NBAS: variants seen among roughly 807,000 people sequenced by gnomAD.
The protein encoded by NBAS is NAG/BC035112 fusion.
A neutral mutation model predicts 302.5 loss-of-function variants in NBAS; 219 were observed. The observed-to-expected ratio is 0.72, with a 90% CI of 0.65 to 0.81. NBAS has a LOEUF of 0.81. NBAS is among the 30% of genes least tolerant of loss of function. The pLI, the probability that NBAS is intolerant of heterozygous loss-of-function variation, is 0.00. For missense variants in NBAS, 2,932 were observed against 2,841.6 expected (o/e 1.03, Z -0.72); for synonymous variants, 1,118 against 1,021.6 (o/e 1.09, Z -1.80).
chr2:14,803,411 C>A, the NBAS span, among the ~76,000 whole-genome samples: 1 of 152,098 alleles, frequency 6.6e-6, no homozygotes. Flanking sequence ...GGTAATTTGC[C>A]TTTTGTACTC....
chr2:15,443,884 G>C (rs557455899), intron 21 of NBAS, among the ~76,000 whole-genome samples: 2 of 152,168 alleles, frequency 1.3e-5, no homozygotes, highest in Non-Finnish European at 2.9e-5. Context: ...GCCAAAGCAT[G>C]AGAGAACTCC....
chr2:15,113,736 A>T, the NBAS span, among the ~76,000 whole-genome samples: 1 of 152,144 alleles, frequency 6.6e-6, no homozygotes, highest in African/African-American at 2.4e-5. Context: ...AAATTACTAA[A>T]TAAACGGAAT....
At chr2:14,919,275 T>C in the NBAS span, among the ~76,000 whole-genome samples, 1 of 152,206 alleles carries the variant, frequency 6.6e-6, no homozygotes, top group African/African-American at 2.4e-5. Context: ...CTATAGTCTT[T>C]CAAGTGTGCG....
intron 44 of NBAS, among the ~76,000 whole-genome samples, chr2:15,247,005 T>C (rs767137416): frequency 3.9e-5 from 6 of 151,906 alleles, no homozygotes; most frequent in Non-Finnish European, 7.4e-5. Context: ...CAGGAAAGGG[T>C]TGCTGAAAGG....
At chr2:15,427,825 A>G (rs771277717) in intron 21 of NBAS, 31 bp from the exon 22 acceptor site, 1 of 1,524,536 alleles carries the variant, frequency 6.6e-7, no homozygotes, top group South Asian at 1.2e-5. Context: ...AGTGTTTAAA[A>G]TTCACATTAC....
In NBAS at chr2:15,167,230, T is replaced by C; in HGVS notation, c.6934A>G (p.Ile2312Val). ...KCVSTPFYPR[I>V]VDHLLASLQQ... is the part of the protein sequence containing the mutation. ...AGGCTAGCCAAGAGGTGGTCAACAA[T>C]ACGTGGATAGAAGGGAGTGGAGACA... The change falls in exon 52 of 52, where the codon ATT becomes GTT. Residue 2312 changes from isoleucine to valine, a missense_variant. Transcript: ENST00000281513. 1 of 1,614,198 alleles carries C rather than the reference T, an allele frequency of 6.2e-7. No individual in the cohort carries two copies. Among genetic ancestry groups the C allele is most frequent in the East Asian group, 2.2e-5 (1 of 44,880 alleles).
At chr2:14,967,473 T>G in the NBAS span, among the ~76,000 whole-genome samples, 1 of 152,122 alleles carries the variant, frequency 6.6e-6, no homozygotes, top group East Asian at 1.9e-4. Flanking sequence ...ATAGAAAAGT[T>G]AGAAAAGGAA....
chr2:14,784,983 C>T, the NBAS span, among the ~76,000 whole-genome samples: 522 of 152,292 alleles, frequency 3.4e-3, 2 homozygotes, highest in Non-Finnish European at 5.2e-3. Context: ...TTTGTATCCT[C>T]TTTTATTTCA....
chr2:15,228,548 T>C (rs1320473845), intron 47 of NBAS, among the ~76,000 whole-genome samples: 2 of 152,244 alleles, frequency 1.3e-5, no homozygotes, highest in Non-Finnish European at 2.9e-5. Context: ...CCATGTTTAT[T>C]GCAGTACTAT....
the NBAS span, among the ~76,000 whole-genome samples, chr2:14,870,989 T>C: frequency 7.0e-6 from 1 of 143,672 alleles, no homozygotes; most frequent in Non-Finnish European, 1.5e-5. Flanking sequence ...AAAAATAAAC[T>C]AAAAAAAAAT....
the NBAS span, among the ~76,000 whole-genome samples, chr2:14,864,362 G>T: frequency 1.1e-3 from 170 of 149,250 alleles, 1 homozygote; most frequent in African/African-American, 3.8e-3. Flanking sequence ...AAACAGCCAA[G>T]ACTTGAATCC....
At chr2:15,538,358 T>A in intron 7 of NBAS, 1 of 479,164 alleles carries the variant, frequency 2.1e-6, no homozygotes, top group Non-Finnish European at 4.2e-6. Flanking sequence ...CGTTTTTAGT[T>A]TCTCCACTCA....
intron 51 of NBAS, among the ~76,000 whole-genome samples, chr2:15,169,247 A>T (rs1664178867): frequency 6.6e-6 from 1 of 152,278 alleles, no homozygotes; most frequent in South Asian, 2.1e-4. Flanking sequence ...TTGACCCAAA[A>T]CACTTAGGTT....
chr2:15,413,970 A>T (rs1235063719), intron 25 of NBAS, among the ~76,000 whole-genome samples: 1 of 152,230 alleles, frequency 6.6e-6, no homozygotes, highest in African/African-American at 2.4e-5. Flanking sequence ...CAAAGGATTT[A>T]CGGAAGTATA....
At chr2:15,156,979 C>T in the NBAS span, among the ~76,000 whole-genome samples, 1 of 152,174 alleles carries the variant, frequency 6.6e-6, no homozygotes, top group Non-Finnish European at 1.5e-5. Flanking sequence ...TGACCCACCC[C>T]CCTCTCACAC....
At chr2:14,794,570 T>C in the NBAS span, among the ~76,000 whole-genome samples, 2 of 152,202 alleles carry the variant, frequency 1.3e-5, no homozygotes, top group Non-Finnish European at 2.9e-5. Flanking sequence ...TTTATTTATA[T>C]ATTTATATCA....
the NBAS span, among the ~76,000 whole-genome samples, chr2:15,090,043 C>T: frequency 1.4e-4 from 21 of 152,122 alleles, no homozygotes; most frequent in East Asian, 3.9e-4. Flanking sequence ...CCACCGTGCC[C>T]GGCCTGGTCA....
At chr2:14,887,399 C>CAAAAAAAAAAAAAAAAAAAAAAA in the NBAS span, among the ~76,000 whole-genome samples, 2 of 84,640 alleles carry the variant, frequency 2.4e-5, no homozygotes, top group African/African-American at 9.0e-5. Context: ...TGAGACTCCT[C>CAAAAAAAAAAAAAAAAAAAAAAA]AAAAAAAAAA....
At chr2:14,782,324 G>C in the NBAS span, among the ~76,000 whole-genome samples, 1 of 152,036 alleles carries the variant, frequency 6.6e-6, no homozygotes, top group South Asian at 2.1e-4. Flanking sequence ...TTTCAAAAGA[G>C]GACATACATG....
Sources: allele counts gnomAD v4.1 joint callset (sites outside exome capture counted in the v4.1 genomes callset), GRCh38; gene constraint gnomAD v4.1.1; transcripts MANE v1.5; gene names NCBI Gene and HGNC (gene_info 2026-07-23, HGNC 2026-07-21).